The following ARRB1 variants were observed in gnomAD, a reference collection of about 807,000 sequenced individuals.
ARRB1 encodes arrestin beta 1.
ARRB1 carries 21 observed loss-of-function variants against 56.8 expected under a neutral mutation model. The observed-to-expected ratio is 0.37, with a 90% CI of 0.26 to 0.53. The LOEUF is 0.53. ARRB1 is among the 20% of genes least tolerant of loss of function. The pLI is 0.88. For missense variants in ARRB1, 424 were observed against 553.7 expected (o/e 0.77, Z 2.35); for synonymous variants, 210 against 218.6 (o/e 0.96, Z 0.35).
At chr11:75,320,091 C>G (rs1458309063) in intron 1 of ARRB1, among the ~76,000 whole-genome samples, 1 of 152,208 alleles carries the variant, frequency 6.6e-6, no homozygotes, top group Non-Finnish European at 1.5e-5. Context: ...GCAGCCTCTT[C>G]TCCCAGGAGA....
intron 1 of ARRB1, among the ~76,000 whole-genome samples, chr11:75,292,188 G>A (rs1478647409): frequency 6.6e-6 from 1 of 152,088 alleles, no homozygotes; most frequent in Non-Finnish European, 1.5e-5. Context: ...TGCCCAGGCT[G>A]GAGTGCAGTG....
intron 1 of ARRB1, among the ~76,000 whole-genome samples, chr11:75,290,597 T>A (rs968473123): frequency 6.6e-6 from 1 of 152,096 alleles, no homozygotes; most frequent in African/African-American, 2.4e-5. Context: ...CTCTCTTTTT[T>A]GAGACAAGGT....
At chr11:75,350,752 A>G (rs1313695807) in intron 1 of ARRB1, among the ~76,000 whole-genome samples, 1 of 152,172 alleles carries the variant, frequency 6.6e-6, no homozygotes, top group Non-Finnish European at 1.5e-5. Context: ...GATGGGATCT[A>G]TTTGGATGAA....
intron 1 of ARRB1, among the ~76,000 whole-genome samples, chr11:75,291,400 G>GTGAATGAA (rs757415015): frequency 6.6e-6 from 1 of 152,174 alleles, no homozygotes; most frequent in South Asian, 2.1e-4. Flanking sequence ...AGTTGAACAG[G>GTGAATGAA]TGAATGAATG....
chr11:75,277,447 A>G lies in ARRB1; in HGVS notation c.620T>C (p.Ile207Thr). The change falls in exon 9 of 16, where the codon ATC becomes ACC. Residue 207 changes from isoleucine (I) to threonine (T), a missense_variant and splice_region_variant. By Grantham distance (89) the Ile-to-Thr change is moderately conservative. Transcript: ENST00000420843. ...LHLEASLDKEIYYHGEPISVN... is the reference protein window; with the variant it reads ...LHLEASLDKETYYHGEPISVN... ...GCTGATGGGTTCTCCATGGTAATAG[A>G]TCTGGGGGGCATAAGAAGGGACGGG... 1 of 1,613,956 alleles carries G rather than the reference A, an allele frequency of 6.2e-7. No individual in the cohort carries two copies. Among genetic ancestry groups the G allele is most frequent in the Non-Finnish European group, 8.5e-7 (1 of 1,179,874 alleles).
At chr11:75,283,242 A>G (rs772111460) in intron 5 of ARRB1, 45 bp downstream of exon 5, 30 of 1,552,720 alleles carry the variant, frequency 1.9e-5, no homozygotes, top group Non-Finnish European at 2.2e-5. Context: ...GGCTTCCTAG[A>G]GGTGGCATTT....
At chr11:75,340,786 G>A (rs1469595824) in intron 1 of ARRB1, among the ~76,000 whole-genome samples, 1 of 152,160 alleles carries the variant, frequency 6.6e-6, no homozygotes, top group African/African-American at 2.4e-5. Flanking sequence ...AGAGGAGCCT[G>A]GGGCCAGGAT....
chr11:75,351,651 G>A lies in ARRB1; in HGVS notation c.-44C>T, dbSNP rs763816715. The A allele has an allele frequency of 4.3e-5, 58 of 1,344,910 alleles. 4 individuals carry two copies. The South Asian group carries it at 1.0e-3, about 23-fold the overall frequency. 83.3% of individuals were successfully genotyped at this position (1,344,910 alleles called of 1,614,324 possible). A position where few individuals can be genotyped will look rare whatever the true frequency, so the allele number is the denominator to read the frequency against. On this transcript the variant is annotated 5_prime_UTR_variant, in exon 1 of 16. Transcript: ENST00000420843. ...GGAGGTCCGCGGCGTCAGCGCCCAG[G>A]CTGGAAAATCCCCAGCCAGCAGGAG...
At chr11:75,350,246 G>A (rs1947826244) in intron 1 of ARRB1, among the ~76,000 whole-genome samples, 2 of 152,172 alleles carry the variant, frequency 1.3e-5, no homozygotes, top group Non-Finnish European at 2.9e-5. Flanking sequence ...CCACCGGGGT[G>A]GTGTCTCTCT....
At chr11:75,281,338 G>A (rs978228248) in intron 6 of ARRB1, among the ~76,000 whole-genome samples, 196 bp from the exon 7 acceptor site, 2 of 152,136 alleles carry the variant, frequency 1.3e-5, no homozygotes, top group African/African-American at 4.8e-5. Context: ...TCCTCCATCT[G>A]ACATGGGACA....
intron 1 of ARRB1, 95 bp from the exon 2 acceptor site, chr11:75,290,134 C>G (rs896477551): frequency 2.9e-5 from 42 of 1,467,254 alleles, no homozygotes; most frequent in Non-Finnish European, 3.7e-5. Flanking sequence ...GGGACCAGGG[C>G]TGGAGTGACT....
chr11:75,319,053 G>A (rs1012728095), intron 1 of ARRB1, among the ~76,000 whole-genome samples: 4 of 152,192 alleles, frequency 2.6e-5, no homozygotes, highest in African/African-American at 7.2e-5. Flanking sequence ...GTAGCACACA[G>A]AAGTCAATAA....
At chr11:75,332,467 T>C (rs1024146517) in intron 1 of ARRB1, among the ~76,000 whole-genome samples, 17 of 152,344 alleles carry the variant, frequency 1.1e-4, no homozygotes, top group Middle Eastern at 3.4e-3. Flanking sequence ...ATCTATTTTC[T>C]CTAAGGGCAG....
intron 1 of ARRB1, among the ~76,000 whole-genome samples, chr11:75,310,007 C>T (rs1385831010): frequency 2.6e-5 from 4 of 152,238 alleles, no homozygotes; most frequent in East Asian, 3.9e-4. Flanking sequence ...GCAGGAGGAA[C>T]GGTGCTGGCC....
In ARRB1 at chr11:75,267,714, G is replaced by A; in HGVS notation, c.1094-11C>T. 1 of 1,589,826 alleles carries A rather than the reference G, an allele frequency of 6.3e-7. No individual in the cohort carries two copies. The highest frequency in any genetic ancestry group is 1.1e-5 in the South Asian group (1 of 90,300). On this transcript the variant is annotated splice_polypyrimidine_tract_variant and intron_variant, in intron 14 of 15. Coordinates refer to ENST00000420843, the MANE Select transcript of ARRB1 (RefSeq NM_004041.5). ...TCTCGTTCTCTGGAACTAAACACAG[G>A]GTGGGTGGGCAGGGTGTCCAGGGAT... is the stretch of plus-strand genomic sequence containing the variant.
At position 75,262,845 on chromosome 11, in the gene ARRB1, A is replaced by G. The variant is rs1417399281; in HGVS notation, c.*3318T>C. Among the ~76,000 whole-genome samples, 1 of 152,246 alleles carries G rather than the reference A, an allele frequency of 6.6e-6. No homozygotes were observed. Among genetic ancestry groups the G allele is most frequent in the Non-Finnish European group, 1.5e-5 (1 of 68,040 alleles). Reference sequence around the variant, plus strand: ...ACCAGCTTGTCAGGAACTCTCCCACAGAACCAACAGCCAGGTGAACCCACT... The same window carrying G: ...ACCAGCTTGTCAGGAACTCTCCCACGGAACCAACAGCCAGGTGAACCCACT... On this transcript the variant is annotated 3_prime_UTR_variant, in exon 16 of 16. Transcript: ENST00000420843.
At chr11:75,313,131 T>A (rs528526404) in intron 1 of ARRB1, among the ~76,000 whole-genome samples, 1 of 152,262 alleles carries the variant, frequency 6.6e-6, no homozygotes, top group South Asian at 2.1e-4. Flanking sequence ...GGCGGGCAGA[T>A]CACTTGAGGT....
chr11:75,283,644 G>A (rs113388228), intron 4 of ARRB1, among the ~76,000 whole-genome samples, 161 bp from the exon 5 acceptor site: 1 of 152,228 alleles, frequency 6.6e-6, no homozygotes, highest in Non-Finnish European at 1.5e-5. Flanking sequence ...GGCTGGTAGT[G>A]AGTACCGGAA....
chr11:75,329,505 C>A (rs1947487637), intron 1 of ARRB1, among the ~76,000 whole-genome samples: 1 of 152,144 alleles, frequency 6.6e-6, no homozygotes, highest in Admixed American at 6.5e-5. Flanking sequence ...AGTGGGTTGT[C>A]CTTGCAGAGC....
Sources: gnomAD v4.1 joint callset for allele counts (sites outside exome capture counted in the v4.1 genomes callset) on GRCh38, gnomAD v4.1.1 for gene constraint, MANE v1.5 for transcripts, NCBI Gene and HGNC (gene_info 2026-07-23, HGNC 2026-07-21) for gene names.